Variants in BRIP1 observed in about 807,000 individuals in gnomAD.
BRIP1 encodes the protein Fanconi anemia group J protein.
In BRIP1, 88 loss-of-function variants were observed where a neutral mutation model predicts 119.7. The observed-to-expected ratio is 0.74, with a 90% CI of 0.62 to 0.88. BRIP1 has a LOEUF of 0.88. BRIP1 is among the 40% of genes least tolerant of loss of function. The probability of loss-of-function intolerance (pLI) is 0.00; values close to 1 mark genes in which losing one functional copy is unlikely to be tolerated. For synonymous variants in BRIP1, 443 were observed against 496.5 expected, an observed-to-expected ratio of 0.89 and a Z score of 1.43; for missense variants, 1,259 against 1,455.4, an observed-to-expected ratio of 0.87 and a Z score of 2.20.
rs553500430 is a variant in BRIP1 at position 61,798,754 on chromosome 17, T to C, written c.1340+346A>G. Among the ~76,000 whole-genome samples, 27 of 152,120 alleles carry C rather than the reference T, an allele frequency of 1.8e-4. No homozygotes were observed. Among genetic ancestry groups the C allele is most frequent in the African/African-American group, 6.5e-4 (27 of 41,542 alleles). On this transcript the variant is annotated intron_variant, in intron 9 of 19. Transcript: ENST00000259008. This position sits in a 1 kb window ranked among gnomAD's most constrained non-coding sequence, Gnocchi z 5.5. ...CTATTTAAATTGGAGAATAAAGCAA[T>C]AAATTAAAGCCATGATCCAGAATTT...
intron 6 of BRIP1, among the ~76,000 whole-genome samples, chr17:61,821,365 C>T (rs957334915): frequency 9.2e-5 from 14 of 152,082 alleles, no homozygotes; most frequent in African/African-American, 3.4e-4. Context: ...AACAGAGTAG[C>T]CTCTGATCCT....
chr17:61,824,852 A>G lies in BRIP1; in HGVS notation c.628-16095T>C, dbSNP rs2078380914. ...AATATTTACAAATCATGTATCCAAT[A>G]AGGTATTAATATCTGGAATACATAA... On this transcript the variant is annotated intron_variant, in intron 6 of 19. Coordinates refer to ENST00000259008, the MANE Select transcript of BRIP1 (RefSeq NM_032043.3). This position sits in a 1 kb window ranked among gnomAD's most constrained non-coding sequence, Gnocchi z 4.3. Among the ~76,000 whole-genome samples, 1 of 152,222 alleles carries G rather than the reference A, an allele frequency of 6.6e-6. No homozygotes were observed. The highest frequency in any genetic ancestry group is 2.1e-4 in the South Asian group (1 of 4,834).
chr17:61,859,131 C>G (rs2078939010), intron 3 of BRIP1, among the ~76,000 whole-genome samples: 1 of 150,046 alleles, frequency 6.7e-6, no homozygotes, highest in Non-Finnish European at 1.5e-5. Context: ...TTCTGTTTAT[C>G]TGGCATTTAA....
intron 14 of BRIP1, among the ~76,000 whole-genome samples, chr17:61,749,599 T>C (rs2077105955): frequency 6.6e-6 from 1 of 152,144 alleles, no homozygotes; most frequent in African/African-American, 2.4e-5. Flanking sequence ...GTAAATAAAA[T>C]AACTATTAGT....
Position 61,776,289 on chromosome 17 carries a change from C to A in BRIP1, c.2097+112G>T. 8.6e-7 allele frequency: 1 copy of A among 1,166,992 alleles called. No individual in the cohort carries two copies. The highest frequency in any genetic ancestry group is 2.4e-5 in the East Asian group (1 of 41,008). The allele number at this position is 1,166,992 out of a possible 1,614,324, so 72.3% of individuals were successfully genotyped here. On this transcript the variant is annotated intron_variant, in intron 14 of 19. Coordinates refer to ENST00000259008, the MANE Select transcript of BRIP1 (RefSeq NM_032043.3). This position sits in a 1 kb window ranked among gnomAD's most constrained non-coding sequence, Gnocchi z 5.0. ...ATGTTTAGAAAACTATAGTTATTAC[C>A]TTGTTGCCTCTACCCTAGGAAGCTT...
At position 61,706,054 on chromosome 17, in the gene BRIP1, A is replaced by G. The variant is rs1051879961; in HGVS notation, c.2492+9897T>C. 1.3e-5 allele frequency among the ~76,000 whole-genome samples: 2 copies of G among 152,048 alleles called. No homozygotes were observed. The highest frequency in any genetic ancestry group is 4.8e-5 in the African/African-American group (2 of 41,396). On this transcript the variant is annotated intron_variant, in intron 17 of 19. Transcript: ENST00000259008. The surrounding 1 kb of genome is among the most constrained non-coding windows in gnomAD (Gnocchi z 5.7). ...TGTATTTTTCTATTTTTCTCTTCAG[A>G]TCTGTCAGTTTTTGCTTCATGTATT...
rs1232406872 is a variant in BRIP1 at position 61,720,852 on chromosome 17, T to C, written c.2380-4789A>G. The stretch of plus-strand genomic sequence containing the variant: ...ACTCTATAACACTGTTAACTTTTTC[T>C]TTTTTTTTTGAGACAGAGTCTCGCT... On this transcript the variant is annotated intron_variant, in intron 16 of 19. Coordinates refer to ENST00000259008, the MANE Select transcript of BRIP1 (RefSeq NM_032043.3). The surrounding 1 kb of genome is among the most constrained non-coding windows in gnomAD (Gnocchi z 4.3). Among the ~76,000 whole-genome samples the C allele has an allele frequency of 6.7e-6, 1 of 149,404 alleles. No individual in the cohort carries two copies. Among genetic ancestry groups the C allele is most frequent in the South Asian group, 2.1e-4 (1 of 4,732 alleles).
At chr17:61,764,440 T>G (rs1371551088) in intron 14 of BRIP1, among the ~76,000 whole-genome samples, 1 of 152,182 alleles carries the variant, frequency 6.6e-6, no homozygotes, top group Non-Finnish European at 1.5e-5. Flanking sequence ...GTGGTGTCAC[T>G]TTTTTGTCCC....
At position 61,852,396 on chromosome 17, in the gene BRIP1, C is replaced by T. The variant is rs1347810037; in HGVS notation, c.380-3140G>A. Among the ~76,000 whole-genome samples, 1 of 151,872 alleles carries T rather than the reference C, an allele frequency of 6.6e-6. No homozygotes were observed. Among genetic ancestry groups the T allele is most frequent in the Admixed American group, 6.6e-5 (1 of 15,226 alleles). On this transcript the variant is annotated intron_variant, in intron 4 of 19. Coordinates refer to ENST00000259008, the MANE Select transcript of BRIP1 (RefSeq NM_032043.3). The surrounding 1 kb of genome is among the most constrained non-coding windows in gnomAD (Gnocchi z 4.9). ...CCAATAGAAAAATGGAGGCTGGGCA[C>T]GGTGGCTCACACTTGTAATTCAAGC... is the stretch of plus-strand genomic sequence containing the variant.
At chr17:61,732,240 C>T (rs902301461) in intron 16 of BRIP1, among the ~76,000 whole-genome samples, 22 of 152,024 alleles carry the variant, frequency 1.4e-4, no homozygotes, top group African/African-American at 5.3e-4. Flanking sequence ...ACCTCGGCCT[C>T]CAAGTGATGG....
rs2144079365 is a variant in BRIP1, at chr17:61,683,700, T to A, written c.3346A>T (p.Thr1116Ser). 1.2e-6 allele frequency: 2 copies of A among 1,613,992 alleles called. No individual in the cohort carries two copies. The highest frequency in any genetic ancestry group is 1.7e-6 in the Non-Finnish European group (2 of 1,179,958). The change falls in exon 20 of 20, where the codon ACT becomes TCT. Residue 1116 changes from threonine (T) to serine (S), a missense_variant. Thr to Ser is a moderately conservative substitution (Grantham distance 58). This residue lies in a region of BRIP1 where 753 missense variants were observed against 891.8 expected (regional missense o/e 0.84). Transcript: ENST00000259008. The surrounding 1 kb of genome is among the most constrained non-coding windows in gnomAD (Gnocchi z 4.7). ...SLVSEEDKQSTSNRDFETEAE... is the reference protein window; with the variant it reads ...SLVSEEDKQSSSNRDFETEAE... Reference sequence around the variant, plus strand: ...TCTGTTTCAAAATCTCTATTTGAAGTGGACTGTTTATCTTCTTCACTTACT... The same window carrying A: ...TCTGTTTCAAAATCTCTATTTGAAGAGGACTGTTTATCTTCTTCACTTACT...
chr17:61,711,865 CAAA>C lies in BRIP1; in HGVS notation c.2492+4083_2492+4085del, dbSNP rs879605038. Among the ~76,000 whole-genome samples, 730 of 145,208 alleles carry C rather than the reference CAAA, an allele frequency of 5.0e-3. 3 individuals carry two copies. Among genetic ancestry groups the C allele is most frequent in the African/African-American group, 0.016 (619 of 39,604 alleles). On this transcript the variant is annotated intron_variant, in intron 17 of 19. Transcript: ENST00000259008. Reference sequence around the variant, plus strand: ...CCTGGGAAACAGAGCAAGACTCTCTCAAAAAAAAAATAATAATAATAATAAAAA... The same window carrying C: ...CCTGGGAAACAGAGCAAGACTCTCTCAAAAAAATAATAATAATAATAAAAA...
intron 3 of BRIP1, among the ~76,000 whole-genome samples, chr17:61,859,472 C>T (rs575662569): frequency 1.3e-5 from 2 of 152,268 alleles, no homozygotes; most frequent in South Asian, 4.1e-4. Context: ...GCTGGGACTA[C>T]AAGTGTACAT....
In BRIP1 at chr17:61,744,927, T is replaced by C. The variant is rs2077040463; in HGVS notation, c.2098-336A>G. On this transcript the variant is annotated intron_variant, in intron 14 of 19. Transcript: ENST00000259008. The surrounding 1 kb of genome is among the most constrained non-coding windows in gnomAD (Gnocchi z 5.0). ...CAATTTCTACCACCACCACCACTAC[T>C]ACTACTACTACTACTATCTTGGCAA... Among the ~76,000 whole-genome samples, 1 of 151,736 alleles carries C rather than the reference T, an allele frequency of 6.6e-6. No individual in the cohort carries two copies. The highest frequency in any genetic ancestry group is 2.4e-5 in the African/African-American group (1 of 41,354).
rs556030818 is a variant in BRIP1, at chr17:61,815,229, A to C, written c.628-6472T>G. Among the ~76,000 whole-genome samples, 5 of 151,990 alleles carry C rather than the reference A, an allele frequency of 3.3e-5. No individual in the cohort carries two copies. Among genetic ancestry groups the C allele is most frequent in the Non-Finnish European group, 7.4e-5 (5 of 67,964 alleles). ...CCTCCTCCTCAAAAGTTTTCAACCT[A>C]ATTTATTAGGAAATGGGTTCTCAAA... On this transcript the variant is annotated intron_variant, in intron 6 of 19. Transcript: ENST00000259008. This position sits in a 1 kb window ranked among gnomAD's most constrained non-coding sequence, Gnocchi z 4.1.
Position 61,680,469 on chromosome 17 carries a change from A to G in BRIP1, c.*2827T>C, listed in dbSNP as rs528157960. 8.0e-4 allele frequency among the ~76,000 whole-genome samples: 117 copies of G among 145,654 alleles called. No homozygotes were observed. Among genetic ancestry groups the G allele is most frequent in the African/African-American group, 3.0e-3 (117 of 39,522 alleles). On this transcript the variant is annotated 3_prime_UTR_variant, in exon 20 of 20. Coordinates refer to ENST00000259008, the MANE Select transcript of BRIP1 (RefSeq NM_032043.3). ...TTTTCTCATGTAGTTTACCAATTCT[A>G]AAGGTAATTTCTTTTTTTTTTTTTT...
rs1240228026 is a variant in BRIP1 at position 61,834,335 on chromosome 17, T to C, written c.627+12766A>G. 6.6e-6 allele frequency among the ~76,000 whole-genome samples: 1 copy of C among 151,980 alleles called. No homozygotes were observed. Among genetic ancestry groups the C allele is most frequent in the African/African-American group, 2.4e-5 (1 of 41,364 alleles). ...TACAGTATCAACCCCTTTACAGGGG[T>C]TGAGCTCTGTACAACACCTGATTGC... On this transcript the variant is annotated intron_variant, in intron 6 of 19. Coordinates refer to ENST00000259008, the MANE Select transcript of BRIP1 (RefSeq NM_032043.3). The surrounding 1 kb of genome is among the most constrained non-coding windows in gnomAD (Gnocchi z 4.4).
In BRIP1 at chr17:61,736,310, A is replaced by G. The variant is rs2076918068; in HGVS notation, c.2379+6703T>C. On this transcript the variant is annotated intron_variant, in intron 16 of 19. Transcript: ENST00000259008. The surrounding 1 kb of genome is among the most constrained non-coding windows in gnomAD (Gnocchi z 4.4). The stretch of plus-strand genomic sequence containing the variant: ...GCCACTGCACTCCAACCTGGGCGAC[A>G]GAACAAGACCTTGTCTATAAAATAA... Among the ~76,000 whole-genome samples, 1 of 152,306 alleles carries G rather than the reference A, an allele frequency of 6.6e-6. No individual in the cohort carries two copies. The highest frequency in any genetic ancestry group is 2.1e-4 in the South Asian group (1 of 4,828).
chr17:61,836,467 ATACCC>A (rs2078576175), intron 6 of BRIP1, among the ~76,000 whole-genome samples: 1 of 152,198 alleles, frequency 6.6e-6, no homozygotes, highest in Non-Finnish European at 1.5e-5. Context: ...CAATACTGTC[ATACCC>A]TCTTAGGTAT....
Sources: allele counts gnomAD v4.1 joint callset (sites outside exome capture counted in the v4.1 genomes callset), GRCh38; gene constraint gnomAD v4.1.1; regional missense constraint gnomAD v4.1.1; non-coding constraint Gnocchi (gnomAD v3.1); transcripts MANE v1.5; gene names NCBI Gene and HGNC (gene_info 2026-07-23, HGNC 2026-07-21).